GTF2H5: variants seen among roughly 807,000 people sequenced by gnomAD.
GTF2H5 encodes TFB5 ortholog.
In GTF2H5, 5 loss-of-function variants were observed where a neutral mutation model predicts 7.1. The observed-to-expected ratio is 0.71, with a 90% CI of 0.37 to 1.49. The LOEUF is 1.49. Among genes scored for constraint, GTF2H5 ranks in the 40% most tolerant of loss-of-function variants. The pLI is 0.03. For synonymous variants in GTF2H5, 30 were observed against 31.7 expected, an observed-to-expected ratio of 0.95 and a Z score of 0.18; for missense variants, 80 against 83.0, an observed-to-expected ratio of 0.96 and a Z score of 0.14.
At chr6:158,169,759 GTATATTATATATAATATATTGTATATTA>G (rs1562469462) in intron 1 of GTF2H5, among the ~76,000 whole-genome samples, 3 of 51,656 alleles carry the variant, frequency 5.8e-5, no homozygotes, top group Admixed American at 4.7e-4. Context: ...ATAATATATT[GTATATTATATATAATATATTGTATATTA>G]TATATTATAT....
intron 2 of GTF2H5, among the ~76,000 whole-genome samples, chr6:158,171,874 G>T (rs138056536): frequency 2.6e-5 from 4 of 152,094 alleles, no homozygotes; most frequent in Non-Finnish European, 5.9e-5. Flanking sequence ...AAAGCAAAGG[G>T]GGTGGGATCT....
At chr6:158,178,752 C>T (rs1482187054) in intron 2 of GTF2H5, among the ~76,000 whole-genome samples, 1 of 152,126 alleles carries the variant, frequency 6.6e-6, no homozygotes, top group African/African-American at 2.4e-5. Flanking sequence ...TGGATATTAG[C>T]CCTTTGTCAG....
At chr6:158,188,725 A>G (rs896927624) in intron 2 of GTF2H5, among the ~76,000 whole-genome samples, 1 of 152,120 alleles carries the variant, frequency 6.6e-6, no homozygotes, top group Non-Finnish European at 1.5e-5. Context: ...AGTGACCATT[A>G]TGCTCTGTTT....
intron 2 of GTF2H5, among the ~76,000 whole-genome samples, chr6:158,180,821 G>A (rs1335789131): frequency 6.1e-5 from 9 of 147,958 alleles, no homozygotes; most frequent in African/African-American, 1.5e-4. Context: ...AACCAGCTCC[G>A]GGATTCATTG....
chr6:158,191,248 T>C (rs182230104), intron 2 of GTF2H5, among the ~76,000 whole-genome samples: 4 of 152,294 alleles, frequency 2.6e-5, no homozygotes, highest in African/African-American at 9.6e-5. Flanking sequence ...AGTGACTGTT[T>C]AACTGGTTTT....
At chr6:158,182,704 G>A (rs1186311358) in intron 2 of GTF2H5, among the ~76,000 whole-genome samples, 2 of 151,674 alleles carry the variant, frequency 1.3e-5, no homozygotes, top group African/African-American at 2.4e-5. Context: ...CGAAGTTCTC[G>A]TACTGTGGTT....
rs1301914539 is a variant in GTF2H5, at chr6:158,192,496, T to C, written c.*339T>C. ...ATCCCTGTGATCTGTGCATTTTTGCTGCGTGGATGTGATTGTTTGGTTTCA... is the reference window on the plus strand; with the variant it reads ...ATCCCTGTGATCTGTGCATTTTTGCCGCGTGGATGTGATTGTTTGGTTTCA... On this transcript the variant is annotated 3_prime_UTR_variant, in exon 3 of 3. Transcript: ENST00000607778. 1 of 291,184 alleles carries C rather than the reference T, an allele frequency of 3.4e-6. No homozygotes were observed. Among genetic ancestry groups the C allele is most frequent in the Non-Finnish European group, 6.6e-6 (1 of 151,654 alleles). The allele number at this position is 291,184 out of a possible 1,614,324, so 18.0% of individuals were successfully genotyped here.
Position 158,193,145 on chromosome 6 carries a change from TC to T in GTF2H5, c.*989del, listed in dbSNP as rs1437772596. ...TGAGTCCAGGAGTCGAAACCCTGTCTCTACAAAAAAAAAAATACAAAAATCT... is the reference window on the plus strand; with the variant it reads ...TGAGTCCAGGAGTCGAAACCCTGTCTTACAAAAAAAAAAATACAAAAATCT... On this transcript the variant is annotated 3_prime_UTR_variant, in exon 3 of 3. Transcript: ENST00000607778. The T allele has an allele frequency of 6.7e-6, 1 of 148,970 alleles. No individual in the cohort carries two copies. Among genetic ancestry groups the T allele is most frequent in the African/African-American group, 2.5e-5 (1 of 40,358 alleles). 9.2% of individuals were successfully genotyped at this position (148,970 alleles called of 1,614,324 possible). A position where few individuals can be genotyped will look rare whatever the true frequency, so the allele number is the denominator to read the frequency against.
intron 2 of GTF2H5, among the ~76,000 whole-genome samples, chr6:158,181,016 T>C (rs556887273): frequency 7.9e-5 from 12 of 152,296 alleles, no homozygotes; most frequent in African/African-American, 2.9e-4. Context: ...TTTAGTGCTA[T>C]GAATTTCCCT....
intron 2 of GTF2H5, among the ~76,000 whole-genome samples, chr6:158,172,335 C>A (rs371105378): frequency 1.3e-5 from 2 of 149,012 alleles, no homozygotes; most frequent in African/African-American, 4.9e-5. Context: ...TTTTTTGACA[C>A]GGAGTCTTGC....
At chr6:158,169,766 ATATATAATATATTG>A (rs1562469485) in intron 1 of GTF2H5, among the ~76,000 whole-genome samples, 34 of 57,000 alleles carry the variant, frequency 6.0e-4, no homozygotes, top group East Asian at 1.3e-3. Flanking sequence ...ATTGTATATT[ATATATAATATATTG>A]TATATTATAT....
chr6:158,185,194 G>T, intron 2 of GTF2H5, among the ~76,000 whole-genome samples: 1 of 146,376 alleles, frequency 6.8e-6, no homozygotes, highest in African/African-American at 2.5e-5. Context: ...ATCATTACAT[G>T]TTATCTTTAC....
chr6:158,197,773 A>G lies in GTF2H5; in HGVS notation c.*5616A>G, dbSNP rs1217848513. 3 of 152,102 alleles carry G rather than the reference A, an allele frequency of 2.0e-5. No individual in the cohort carries two copies. The highest frequency in any genetic ancestry group is 4.1e-4 in the South Asian group (2 of 4,826). The allele number at this position is 152,102 out of a possible 1,614,324, so 9.4% of individuals were successfully genotyped here. On this transcript the variant is annotated 3_prime_UTR_variant, in exon 3 of 3. Transcript: ENST00000607778. ...TTAGCTAGAATTTCTATCAAAAATC[A>G]TTAGGTATCCATCTCCCAGTCCTGA...
At position 158,175,329 on chromosome 6, in the gene GTF2H5, C is replaced by T. The variant is rs1000464997; in HGVS notation, c.35+4791C>T. On this transcript the variant is annotated intron_variant, in intron 2 of 2. Coordinates refer to ENST00000607778, the MANE Select transcript of GTF2H5 (RefSeq NM_207118.3). ...TTTTAAATGAGGAGGCTGTTGTCTT[C>T]CAGTCATAGCTTTTAAAAAGCAAGC... 6.9e-4 allele frequency among the ~76,000 whole-genome samples: 105 copies of T among 152,246 alleles called. 1 individual carries two copies. The highest frequency in any genetic ancestry group is 2.4e-3 in the African/African-American group (101 of 41,558).
chr6:158,169,586 ATATAT>A lies in GTF2H5; in HGVS notation c.-34-882_-34-878del, dbSNP rs1284583859. On this transcript the variant is annotated intron_variant, in intron 1 of 2. Transcript: ENST00000607778. The stretch of plus-strand genomic sequence containing the variant: ...TATAATATATTGTATATTATATATA[ATATAT>A]TGTATATTACATATATTGTATATTA... Among the ~76,000 whole-genome samples, 6 of 70,140 alleles carry A rather than the reference ATATAT, an allele frequency of 8.6e-5. 1 individual carries two copies. Among genetic ancestry groups the A allele is most frequent in the South Asian group, 5.5e-4 (1 of 1,834 alleles). 46.0% of individuals were successfully genotyped at this position (70,140 alleles called of 152,430 possible). A position where few individuals can be genotyped will look rare whatever the true frequency, so the allele number is the denominator to read the frequency against.
chr6:158,198,501 C>T lies in GTF2H5; in HGVS notation c.*6344C>T, dbSNP rs1340842770. The T allele has an allele frequency of 6.6e-6, 1 of 152,162 alleles. No individual in the cohort carries two copies. The allele number at this position is 152,162 out of a possible 1,614,324, so 9.4% of individuals were successfully genotyped here. ...AGGCTGAAGTGCAATAGCGCAAACT[C>T]GGCTCACTGCAACCTCCCAGGTTCA... is the stretch of plus-strand genomic sequence containing the variant. On this transcript the variant is annotated 3_prime_UTR_variant, in exon 3 of 3. Transcript: ENST00000607778.
chr6:158,175,985 A>G (rs770913889), intron 2 of GTF2H5, among the ~76,000 whole-genome samples: 12 of 152,242 alleles, frequency 7.9e-5, no homozygotes, highest in Non-Finnish European at 1.3e-4. Flanking sequence ...TCCATGTGAC[A>G]TGTGCTATAC....
chr6:158,183,257 A>G (rs182513841), intron 2 of GTF2H5, among the ~76,000 whole-genome samples: 2 of 152,138 alleles, frequency 1.3e-5, no homozygotes, highest in Admixed American at 1.3e-4. Flanking sequence ...TGGAAGCTTC[A>G]TCGTAGAGGG....
At chr6:158,176,935 G>A (rs1383029698) in intron 2 of GTF2H5, among the ~76,000 whole-genome samples, 2 of 152,240 alleles carry the variant, frequency 1.3e-5, no homozygotes. Context: ...TCACGCTATT[G>A]TTTGTGGTTT....
Sources: allele counts gnomAD v4.1 joint callset (sites outside exome capture counted in the v4.1 genomes callset), GRCh38; gene constraint gnomAD v4.1.1; transcripts MANE v1.5; gene names NCBI Gene and HGNC (gene_info 2026-07-23, HGNC 2026-07-21).